TANC1: variants seen among roughly 807,000 people sequenced by gnomAD.
TANC1 encodes protein TANC1.
TANC1 carries 77 observed loss-of-function variants against 149.7 expected under a neutral mutation model. The ratio of observed to expected loss-of-function variants is 0.51; its 90% CI spans 0.43 to 0.62. The LOEUF (loss-of-function observed/expected upper bound fraction) is 0.62. Among genes scored for constraint, TANC1 ranks in the 20% least tolerant of loss-of-function variants. TANC1 has a pLI of 0.00. For synonymous variants in TANC1, 854 were observed against 925.0 expected, an observed-to-expected ratio of 0.92 and a Z score of 1.39; for missense variants, 1,985 against 2,321.8, an observed-to-expected ratio of 0.85 and a Z score of 2.98.
intron 14 of TANC1, among the ~76,000 whole-genome samples, chr2:159,181,114 T>C (rs1240391298): frequency 6.6e-6 from 1 of 152,218 alleles, no homozygotes; most frequent in African/African-American, 2.4e-5. Context: ...TCTGTAGCAT[T>C]TTAAATGATA....
At chr2:159,173,036 C>T (rs141084740) in intron 11 of TANC1, among the ~76,000 whole-genome samples, 2 of 152,138 alleles carry the variant, frequency 1.3e-5, no homozygotes, top group African/African-American at 4.8e-5. Context: ...CGCCATCACC[C>T]CTGATGGTTC....
Position 159,068,251 on chromosome 2 carries a change from A to G in TANC1, c.61+2280A>G, listed in dbSNP as rs1170543975. Among the ~76,000 whole-genome samples, 5 of 152,296 alleles carry G rather than the reference A, an allele frequency of 3.3e-5. No individual in the cohort carries two copies. The East Asian group carries it at 9.6e-4, about 29-fold the overall frequency. ...TCATTATATAAGTAAATCATAGCTA[A>G]GATTTTCTATAAATTAAAGCTGGCT... On this transcript the variant is annotated intron_variant, in intron 3 of 26. Transcript: ENST00000263635.
In TANC1 at chr2:159,170,506, T is replaced by C. The variant is rs780388774; in HGVS notation, c.1070-18T>C. On this transcript the variant is annotated intron_variant, in intron 9 of 26. Transcript: ENST00000263635. ...AAATTATGACATTTTTCTAAAATTT[T>C]TTTTTCTTCTTTTGAAGCACGATTT... 5 of 1,560,176 alleles carry C rather than the reference T, an allele frequency of 3.2e-6. No individual in the cohort carries two copies. In the South Asian group the frequency reaches 3.6e-5, roughly 11 times the overall value.
At chr2:159,220,756 A>C (rs953253681) in intron 22 of TANC1, among the ~76,000 whole-genome samples, 2 of 151,954 alleles carry the variant, frequency 1.3e-5, no homozygotes, top group African/African-American at 2.4e-5. Flanking sequence ...GTACCTGGCT[A>C]ATTTTTAGAG....
intron 2 of TANC1, among the ~76,000 whole-genome samples, chr2:159,007,609 A>G (rs2037343718): frequency 6.6e-6 from 1 of 152,206 alleles, no homozygotes; most frequent in Non-Finnish European, 1.5e-5. Flanking sequence ...AGGCTGTCCC[A>G]TCTAGATTTG....
rs2149242677 is a variant in TANC1, at chr2:158,984,361, A to G, written c.-126+15579A>G. On this transcript the variant is annotated intron_variant, in intron 1 of 26. Transcript: ENST00000263635. ...ACCTAAGCCAGTGGAAAATGTAAAG[A>G]GACTTTACCTTCTTCACAAGGCTTT... Among the ~76,000 whole-genome samples, 2 of 152,352 alleles carry G rather than the reference A, an allele frequency of 1.3e-5. 1 individual carries two copies. Among genetic ancestry groups the G allele is most frequent in the South Asian group, 4.1e-4 (2 of 4,830 alleles).
chr2:159,069,773 T>C (rs1404752139), intron 3 of TANC1, among the ~76,000 whole-genome samples: 1 of 150,060 alleles, frequency 6.7e-6, no homozygotes, highest in East Asian at 1.9e-4. Context: ...AGCTTTTTTT[T>C]TTTTTTTTTT....
At chr2:159,220,026 T>A (rs1441862976) in intron 22 of TANC1, among the ~76,000 whole-genome samples, 159 bp downstream of exon 22, 1 of 139,818 alleles carries the variant, frequency 7.2e-6, no homozygotes, top group African/African-American at 2.6e-5. Context: ...GTGTGTCTTG[T>A]CAGGGATCTT....
At chr2:159,116,326 C>T (rs750016392) in intron 4 of TANC1, among the ~76,000 whole-genome samples, 11 of 151,952 alleles carry the variant, frequency 7.2e-5, no homozygotes, top group Non-Finnish European at 1.5e-4. Context: ...ACTCAGGAGG[C>T]TGAAGCAGGA....
At chr2:159,177,951 A>G (rs2150533142) in intron 13 of TANC1, among the ~76,000 whole-genome samples, 1 of 152,350 alleles carries the variant, frequency 6.6e-6, no homozygotes, top group South Asian at 2.1e-4. Flanking sequence ...TCATATGTTC[A>G]TTGTTAGACT....
At chr2:159,042,942 G>A (rs949080644) in intron 2 of TANC1, among the ~76,000 whole-genome samples, 1 of 152,144 alleles carries the variant, frequency 6.6e-6, no homozygotes, top group Non-Finnish European at 1.5e-5. Flanking sequence ...TTTCGTTGTG[G>A]ACTGGGCTGT....
chr2:159,176,991 C>G (rs2055935636), intron 13 of TANC1, among the ~76,000 whole-genome samples: 1 of 140,596 alleles, frequency 7.1e-6, no homozygotes, highest in African/African-American at 2.7e-5. Context: ...CTCAATGCAG[C>G]CTCCGCCTCC....
At chr2:159,010,936 C>T (rs951833887) in intron 2 of TANC1, among the ~76,000 whole-genome samples, 5 of 151,898 alleles carry the variant, frequency 3.3e-5, no homozygotes, top group Admixed American at 1.3e-4. Context: ...CTTGCTTTGT[C>T]GCCCAAGCTG....
intron 3 of TANC1, among the ~76,000 whole-genome samples, chr2:159,073,475 A>G (rs772235799): frequency 6.6e-6 from 1 of 152,164 alleles, no homozygotes; most frequent in Non-Finnish European, 1.5e-5. Context: ...ACCTATCTGA[A>G]TCATCATAAA....
rs149666311 is a variant in TANC1 at position 159,187,256 on chromosome 2, T to A, written c.2742+232T>A. Among the ~76,000 whole-genome samples the A allele has an allele frequency of 2.1e-3, 318 of 152,314 alleles. 1 individual carries two copies. The highest frequency in any genetic ancestry group is 2.7e-3 in the Non-Finnish European group (187 of 68,024). Reference sequence around the variant, plus strand: ...GGTGGTCAGGGCTGCTCTGAGCACATGTGGTGACTGTTTCACAGCAGATGT... The same window carrying A: ...GGTGGTCAGGGCTGCTCTGAGCACAAGTGGTGACTGTTTCACAGCAGATGT... On this transcript the variant is annotated intron_variant, in intron 16 of 26. Coordinates refer to ENST00000263635, the MANE Select transcript of TANC1 (RefSeq NM_033394.3).
intron 2 of TANC1, among the ~76,000 whole-genome samples, chr2:159,042,662 T>A (rs1343038641): frequency 6.6e-6 from 1 of 151,778 alleles, no homozygotes; most frequent in African/African-American, 2.4e-5. Flanking sequence ...CTGGCAAGAT[T>A]CCGTGGGGGG....
intron 19 of TANC1, among the ~76,000 whole-genome samples, chr2:159,209,115 G>A (rs2058821027): frequency 6.6e-6 from 1 of 152,216 alleles, no homozygotes; most frequent in Admixed American, 6.5e-5. Flanking sequence ...TTCCATTTGT[G>A]AGGTCACTGA....
In TANC1 at chr2:159,121,487, C is replaced by T. The variant is rs767609450; in HGVS notation, c.260-14707C>T. ...TAGCTGGGGTTACAGGTGCCCACCA[C>T]GATGCCTGGCTAATTTTTGTATTTT... On this transcript the variant is annotated intron_variant, in intron 4 of 26. Coordinates refer to ENST00000263635, the MANE Select transcript of TANC1 (RefSeq NM_033394.3). Among the ~76,000 whole-genome samples, 4 of 152,164 alleles carry T rather than the reference C, an allele frequency of 2.6e-5. No homozygotes were observed. In the South Asian group the frequency reaches 6.2e-4, roughly 24 times the overall value.
chr2:159,154,597 G>A (rs528927456), intron 7 of TANC1, among the ~76,000 whole-genome samples: 1 of 152,236 alleles, frequency 6.6e-6, no homozygotes, highest in East Asian at 1.9e-4. Context: ...TATCCAGAGG[G>A]GAGTCCCGCT....
Sources: allele counts gnomAD v4.1 joint callset (sites outside exome capture counted in the v4.1 genomes callset), GRCh38; gene constraint gnomAD v4.1.1; transcripts MANE v1.5; gene names NCBI Gene and HGNC (gene_info 2026-07-23, HGNC 2026-07-21).